Variants in IRAK2 observed in about 807,000 individuals in gnomAD.
IRAK2 encodes the protein interleukin-1 receptor-associated kinase-like 2.
A neutral mutation model predicts 72.0 loss-of-function variants in IRAK2; 57 were observed. The observed-to-expected ratio is 0.79, with a 90% CI of 0.64 to 0.99. The LOEUF is 0.99. Among genes scored for constraint, IRAK2 ranks in the 50% least tolerant of loss-of-function variants. IRAK2 has a pLI of 0.00. For missense variants in IRAK2, 790 were observed against 794.4 expected, an observed-to-expected ratio of 0.99 and a Z score of 0.07; for synonymous variants, 293 against 312.7, an observed-to-expected ratio of 0.94 and a Z score of 0.67.
At chr3:10,185,028 G>C (rs1697032429) in intron 2 of IRAK2, among the ~76,000 whole-genome samples, 2 of 151,268 alleles carry the variant, frequency 1.3e-5, no homozygotes, top group South Asian at 4.2e-4. Context: ...CCTGCGCCGG[G>C]CCAAAACTCC....
intron 9 of IRAK2, among the ~76,000 whole-genome samples, chr3:10,225,149 C>G (rs1697754571): frequency 6.6e-6 from 1 of 152,086 alleles, no homozygotes; most frequent in African/African-American, 2.4e-5. Flanking sequence ...GGTTTAAAAC[C>G]TTTATCCTTT....
intron 2 of IRAK2, among the ~76,000 whole-genome samples, chr3:10,180,350 G>A (rs1696941874): frequency 6.6e-6 from 1 of 152,204 alleles, no homozygotes; most frequent in Non-Finnish European, 1.5e-5. Flanking sequence ...ACACAGTCTT[G>A]TGAGGAGACA....
At chr3:10,208,490 G>A (rs747101415) in intron 3 of IRAK2, among the ~76,000 whole-genome samples, 22 of 151,816 alleles carry the variant, frequency 1.4e-4, no homozygotes, top group South Asian at 1.2e-3. Flanking sequence ...AGGACTGAGC[G>A]CAGTGGCTCA....
At chr3:10,237,330 A>C (rs866126692) in intron 11 of IRAK2, among the ~76,000 whole-genome samples, 1 of 152,208 alleles carries the variant, frequency 6.6e-6, no homozygotes, top group Non-Finnish European at 1.5e-5. Flanking sequence ...CTCTTAGTAC[A>C]TCACAACCAA....
At chr3:10,199,415 A>G (rs961980127) in intron 2 of IRAK2, among the ~76,000 whole-genome samples, 4 of 152,132 alleles carry the variant, frequency 2.6e-5, no homozygotes, top group African/African-American at 9.7e-5. Flanking sequence ...CTGAACAGGG[A>G]TGAGAAGCAG....
At chr3:10,200,702 G>A (rs888575073) in intron 3 of IRAK2, among the ~76,000 whole-genome samples, 187 bp downstream of exon 3, 17 of 152,118 alleles carry the variant, frequency 1.1e-4, no homozygotes, top group African/African-American at 4.1e-4. Context: ...TTTGAGACCA[G>A]CCTAGGCAAC....
rs540938954 is a variant in IRAK2, at chr3:10,213,921, T to G, written c.788+373T>G. 1.4e-4 allele frequency among the ~76,000 whole-genome samples: 21 copies of G among 152,012 alleles called. No individual in the cohort carries two copies. The East Asian group carries it at 4.1e-3, about 29-fold the overall frequency. ...ATAAATCTTCTCTCCTTTTTTTTTTTCTTTTCTTTTCTTTTTTTGTTTTTT... is the reference window on the plus strand; with the variant it reads ...ATAAATCTTCTCTCCTTTTTTTTTTGCTTTTCTTTTCTTTTTTTGTTTTTT... On this transcript the variant is annotated intron_variant, in intron 6 of 12. Transcript: ENST00000256458.
At chr3:10,196,555 C>G (rs1383479380) in intron 2 of IRAK2, among the ~76,000 whole-genome samples, 1 of 152,236 alleles carries the variant, frequency 6.6e-6, no homozygotes, top group Non-Finnish European at 1.5e-5. Flanking sequence ...CCACAAAGGC[C>G]TTGGCCTGAT....
At chr3:10,227,802 G>C (rs1697803531) in intron 10 of IRAK2, among the ~76,000 whole-genome samples, 1 of 151,888 alleles carries the variant, frequency 6.6e-6, no homozygotes, top group African/African-American at 2.4e-5. Flanking sequence ...CCGAGCAGCT[G>C]GGACTACAGG....
intron 11 of IRAK2, among the ~76,000 whole-genome samples, chr3:10,235,119 C>T (rs968004651): frequency 2.0e-5 from 3 of 152,152 alleles, no homozygotes; most frequent in Admixed American, 1.3e-4. Flanking sequence ...GCATGCAAAC[C>T]GGGCTGCCCA....
At chr3:10,178,635 C>T (rs1302860810) in intron 2 of IRAK2, among the ~76,000 whole-genome samples, 1 of 151,888 alleles carries the variant, frequency 6.6e-6, no homozygotes, top group Non-Finnish European at 1.5e-5. Context: ...TTTAAAAAAC[C>T]CCAATAGCTA....
intron 8 of IRAK2, among the ~76,000 whole-genome samples, chr3:10,221,041 CACT>C (rs1273077295): frequency 4.6e-5 from 7 of 151,940 alleles, no homozygotes; most frequent in Admixed American, 4.6e-4. Flanking sequence ...TTTACTTAAC[CACT>C]CCTGGCACAC....
chr3:10,218,473 G>T (rs1234431246), intron 7 of IRAK2, among the ~76,000 whole-genome samples: 1 of 151,064 alleles, frequency 6.6e-6, no homozygotes, highest in Admixed American at 6.6e-5. Flanking sequence ...TAGCCTGGGA[G>T]AGTCAGTCTT....
At chr3:10,170,914 A>G (rs191584846) in intron 1 of IRAK2, among the ~76,000 whole-genome samples, 233 of 152,362 alleles carry the variant, frequency 1.5e-3, no homozygotes, top group Non-Finnish European at 2.6e-3. Flanking sequence ...TTGACCCTTC[A>G]GTCCTAAAAA....
At position 10,222,762 on chromosome 3, in the gene IRAK2, G is replaced by A. The variant is rs746265701; in HGVS notation, c.1140G>A (p.Ala380=). 7 of 1,614,040 alleles carry A rather than the reference G, an allele frequency of 4.3e-6. No homozygotes were observed. Among genetic ancestry groups the A allele is most frequent in the African/African-American group, 1.3e-5 (1 of 74,908 alleles). The change falls in exon 9 of 13, where the codon GCG becomes GCA. Residue 380 remains alanine, a synonymous_variant. Transcript: ENST00000256458. ...MKTHLLRTSA[A]YLPEDFIRVG... is the part of the protein sequence containing the mutation. ...CTCACCTGCTCCGGACGTCAGCCGC[G>A]TATCTGCCAGAGGATTTCATCCGGG...
intron 3 of IRAK2, among the ~76,000 whole-genome samples, chr3:10,203,700 C>T (rs576436384): frequency 2.0e-3 from 302 of 152,272 alleles, no homozygotes; most frequent in African/African-American, 7.0e-3. Flanking sequence ...GGCGCGATCT[C>T]GGCTCACTGC....
chr3:10,183,598 G>A (rs1278847022), intron 2 of IRAK2, among the ~76,000 whole-genome samples: 1 of 152,152 alleles, frequency 6.6e-6, no homozygotes, highest in Admixed American at 6.6e-5. Context: ...GCGGGTGCCT[G>A]TAGTCCCAGC....
intron 10 of IRAK2, among the ~76,000 whole-genome samples, chr3:10,226,786 A>C (rs1186355742): frequency 6.6e-6 from 1 of 151,496 alleles, no homozygotes; most frequent in Admixed American, 6.6e-5. Context: ...ACTTACAAAA[A>C]ACCCCCAACA....
At position 10,164,932 on chromosome 3, in the gene IRAK2, C is replaced by A; in HGVS notation, c.-23C>A. Reference sequence around the variant, plus strand: ...AGTGTCCGACCCAGTCGTCCCGCGCCGGAGCCGGCCCCGTAGCGTGCCATG... The same window carrying A: ...AGTGTCCGACCCAGTCGTCCCGCGCAGGAGCCGGCCCCGTAGCGTGCCATG... On this transcript the variant is annotated 5_prime_UTR_variant, in exon 1 of 13. Transcript: ENST00000256458. The A allele has an allele frequency of 1.3e-6, 2 of 1,578,960 alleles. No homozygotes were observed. The highest frequency in any genetic ancestry group is 1.8e-5 in the Admixed American group (1 of 56,730).
Sources: gnomAD v4.1 joint callset for allele counts (sites outside exome capture counted in the v4.1 genomes callset) on GRCh38, gnomAD v4.1.1 for gene constraint, MANE v1.5 for transcripts, NCBI Gene and HGNC (gene_info 2026-07-23, HGNC 2026-07-21) for gene names.